Variants in ZFP36L2 observed in about 807,000 individuals in gnomAD.
ZFP36L2 encodes the protein ZFP36 like 2 zinc finger CCCH-type, also known as mRNA decay activator protein ZFP36L2.
In ZFP36L2, 16 loss-of-function variants were observed where a neutral mutation model predicts 27.9. The observed-to-expected ratio is 0.57, with a 90% CI of 0.39 to 0.87. The LOEUF (loss-of-function observed/expected upper bound fraction) is 0.87, where lower values mean the gene tolerates loss of function less well. Ranked by LOEUF, ZFP36L2 falls within the 40% of genes least tolerant of loss-of-function variation. ZFP36L2 has a pLI of 0.00. For missense variants in ZFP36L2, 989 were observed against 726.9 expected (o/e 1.36, Z -4.15); for synonymous variants, 600 against 363.8 (o/e 1.65, Z -7.39).
rs375300691 is a variant in ZFP36L2, at chr2:43,224,973, C to T, written c.831G>A (p.Pro277=). Residue 277 remains proline, a synonymous_variant, in exon 2 of 2, where the codon CCG becomes CCA. Transcript: ENST00000282388. ...HHQPPGGLES[P]LLLDSPTSRT... ...GCGACGTGGGGCTGTCGAGCAGCAG[C>T]GGCGACTCGAGGCCGCCCGGGGGCT... 1.0e-5 allele frequency: 16 copies of T among 1,579,334 alleles called. No homozygotes were observed. The African/African-American group carries it at 1.8e-4, about 18-fold the overall frequency.
rs1199020378 is a variant in ZFP36L2, at chr2:43,224,473, T to C, written c.1331A>G (p.Asp444Gly). Reference sequence around the variant, plus strand: ...CGAGTCCGGGGGGCTGGGGGGCGCGTCGAACACGGGCGAGTCGGACAGGCG... The same window carrying C: ...CGAGTCCGGGGGGCTGGGGGGCGCGCCGAACACGGGCGAGTCGGACAGGCG... ...PRRLSDSPVFDAPPSPPDSLS... is the reference protein window; with the variant it reads ...PRRLSDSPVFGAPPSPPDSLS... Residue 444 changes from aspartate to glycine, a missense_variant, in exon 2 of 2, where the codon GAC becomes GGC. Transcript: ENST00000282388. 2.7e-6 allele frequency: 4 copies of C among 1,506,966 alleles called. No homozygotes were observed. The highest frequency in any genetic ancestry group is 4.2e-5 in the Admixed American group (2 of 47,638). The allele number at this position is 1,506,966 out of a possible 1,614,324, so 93.3% of individuals were successfully genotyped here. A position where few individuals can be genotyped will look rare whatever the true frequency, so the allele number is the denominator to read the frequency against.
In ZFP36L2 at chr2:43,225,384, C is replaced by G; in HGVS notation, c.420G>C (p.Gln140His). Residue 140 changes from glutamine (Q) to histidine (H), a missense_variant, in exon 2 of 2, where the codon CAG becomes CAC. Transcript: ENST00000282388. Reference sequence around the variant, plus strand: ...TCTGGGAGCCGCCGCCCCCCTTCTGCTGCTGCTGCAGGTGCAGGAGGTGCT... The same window carrying G: ...TCTGGGAGCCGCCGCCCCCCTTCTGGTGCTGCTGCAGGTGCAGGAGGTGCT... ...RSQHLLHLQQ[Q>H]QKGGGGSQIN... is the part of the protein sequence containing the mutation. 2 of 1,613,708 alleles carry G rather than the reference C, an allele frequency of 1.2e-6. No homozygotes were observed. Among genetic ancestry groups the G allele is most frequent in the Non-Finnish European group, 1.7e-6 (2 of 1,179,962 alleles).
rs750544151 is a variant in ZFP36L2 at position 43,225,095 on chromosome 2, C to T, written c.709G>A (p.Gly237Ser). 1 of 1,593,272 alleles carries T rather than the reference C, an allele frequency of 6.3e-7. No homozygotes were observed. The highest frequency in any genetic ancestry group is 8.5e-7 in the Non-Finnish European group (1 of 1,177,160). ...CCCAGGTGCAACGCATCGCGCGTGCCAAAGGCACGCAGGTCCCCGGAGGCG... is the reference window on the plus strand; with the variant it reads ...CCCAGGTGCAACGCATCGCGCGTGCTAAAGGCACGCAGGTCCCCGGAGGCG... ...GGASGDLRAF[G>S]TRDALHLGFP... is the part of the protein sequence containing the mutation. The change falls in exon 2 of 2, where the codon GGC becomes AGC. Residue 237 changes from glycine to serine, a missense_variant. Coordinates refer to ENST00000282388, the MANE Select transcript of ZFP36L2 (RefSeq NM_006887.5).
Position 43,222,554 on chromosome 2 carries a change from A to G in ZFP36L2, c.*1765T>C, listed in dbSNP as rs888251020. 6.6e-6 allele frequency: 1 copy of G among 152,376 alleles called. No homozygotes were observed. The highest frequency in any genetic ancestry group is 6.5e-5 in the Admixed American group (1 of 15,290). The allele number at this position is 152,376 out of a possible 1,614,324, so 9.4% of individuals were successfully genotyped here. A position where few individuals can be genotyped will look rare whatever the true frequency, so the allele number is the denominator to read the frequency against. On this transcript the variant is annotated 3_prime_UTR_variant, in exon 2 of 2. Coordinates refer to ENST00000282388, the MANE Select transcript of ZFP36L2 (RefSeq NM_006887.5). ...TACATTCAAAAACCTACTTCTGTCC[A>G]AAGTAGTCCAGAGAGTACATATAGT...
rs1295854042 is a variant in ZFP36L2 at position 43,224,687 on chromosome 2, T to G, written c.1117A>C (p.Ile373Leu). 2 of 1,539,088 alleles carry G rather than the reference T, an allele frequency of 1.3e-6. No individual in the cohort carries two copies. Among genetic ancestry groups the G allele is most frequent in the Admixed American group, 3.8e-5 (2 of 53,154 alleles). The change falls in exon 2 of 2, where the codon ATC becomes CTC. Residue 373 changes from isoleucine (I) to leucine (L), a missense_variant. By Grantham distance (5) the Ile-to-Leu change is conservative. Coordinates refer to ENST00000282388, the MANE Select transcript of ZFP36L2 (RefSeq NM_006887.5). ...TGGGTCTGGATGGCGAGCGGCGTGATGAGGCTGCTGAGCTCCGGACCGAAG... is the reference window on the plus strand; with the variant it reads ...TGGGTCTGGATGGCGAGCGGCGTGAGGAGGCTGCTGAGCTCCGGACCGAAG... ...FAFGPELSSLITPLAIQTHNF... is the reference protein window; with the variant it reads ...FAFGPELSSLLTPLAIQTHNF...
Position 43,224,534 on chromosome 2 carries a change from G to A in ZFP36L2, c.1270C>T (p.Pro424Ser), listed in dbSNP as rs1249302931. 6.2e-6 allele frequency: 9 copies of A among 1,456,340 alleles called. No homozygotes were observed. In the East Asian group the frequency reaches 1.2e-4, roughly 20 times the overall value. The allele number at this position is 1,456,340 out of a possible 1,614,324, so 90.2% of individuals were successfully genotyped here. A position where few individuals can be genotyped will look rare whatever the true frequency, so the allele number is the denominator to read the frequency against. ...TGGAAGCTGAAGGGCGGCGAGGGAG[G>A]TGCGGCGGCCCCGGCGGGGAGGGTC... The part of the protein sequence containing the change: ...SATLPAGAAA[P>S]PSPPFSFQLP... Residue 424 changes from proline (P) to serine (S), a missense_variant, in exon 2 of 2, where the codon CCT becomes TCT. By Grantham distance (74) the Pro-to-Ser change is moderately conservative. Transcript: ENST00000282388.
At position 43,225,092 on chromosome 2, in the gene ZFP36L2, T is replaced by A. The variant is rs1196933779; in HGVS notation, c.712A>T (p.Thr238Ser). The change falls in exon 2 of 2, where the codon ACG (threonine) becomes TCG (serine). Residue 238 changes from threonine to serine, a missense_variant. Transcript: ENST00000282388. ...AAGCCCAGGTGCAACGCATCGCGCG[T>A]GCCAAAGGCACGCAGGTCCCCGGAG... is the stretch of plus-strand genomic sequence containing the variant. Reference protein sequence around the residue: ...GASGDLRAFGTRDALHLGFPR... With the variant: ...GASGDLRAFGSRDALHLGFPR... 6 of 1,593,322 alleles carry A rather than the reference T, an allele frequency of 3.8e-6. No individual in the cohort carries two copies. Among genetic ancestry groups the A allele is most frequent in the Non-Finnish European group, 5.1e-6 (6 of 1,177,300 alleles).
chr2:43,226,174 G>A (rs1667098906), intron 1 of ZFP36L2, 91 bp downstream of exon 1: 1 of 1,508,248 alleles, frequency 6.6e-7, no homozygotes, highest in African/African-American at 1.4e-5. Flanking sequence ...TGAAAGGCAG[G>A]GCGGGAGGGG....
At position 43,223,550 on chromosome 2, in the gene ZFP36L2, A is replaced by T. The variant is rs1667012619; in HGVS notation, c.*769T>A. Reference sequence around the variant, plus strand: ...AAAAATTCAGCAGTTATTCTCCAACAATTACAAAGTAAGCTCTGCGCAAGG... The same window carrying T: ...AAAAATTCAGCAGTTATTCTCCAACTATTACAAAGTAAGCTCTGCGCAAGG... On this transcript the variant is annotated 3_prime_UTR_variant, in exon 2 of 2. Transcript: ENST00000282388. 6.6e-6 allele frequency: 1 copy of T among 152,648 alleles called. No individual in the cohort carries two copies. Among genetic ancestry groups the T allele is most frequent in the Non-Finnish European group, 1.5e-5 (1 of 68,050 alleles). 9.5% of individuals were successfully genotyped at this position (152,648 alleles called of 1,614,324 possible). A position where few individuals can be genotyped will look rare whatever the true frequency, so the allele number is the denominator to read the frequency against.
chr2:43,225,456 C>A lies in ZFP36L2; in HGVS notation c.348G>T (p.Glu116Asp), dbSNP rs771563054. ...TAAACGAGCGGTCCCGGAATTTGTT[C>A]TCCTTGTTGAGCAGGGCTGTGCCGC... is the stretch of plus-strand genomic sequence containing the variant. ...GGGGTALLNK[E>D]NKFRDRSFSE... Residue 116 changes from glutamate to aspartate, a missense_variant, in exon 2 of 2, where the codon GAG (glutamate) becomes GAT (aspartate). By Grantham distance (45) the Glu-to-Asp change is conservative. Coordinates refer to ENST00000282388, the MANE Select transcript of ZFP36L2 (RefSeq NM_006887.5). 6.2e-6 allele frequency: 10 copies of A among 1,611,194 alleles called. No individual in the cohort carries two copies. The highest frequency in any genetic ancestry group is 1.7e-5 in the Admixed American group (1 of 59,856).
At position 43,226,374 on chromosome 2, in the gene ZFP36L2, G is replaced by C; in HGVS notation, c.-59C>G. On this transcript the variant is annotated 5_prime_UTR_variant, in exon 1 of 2. Transcript: ENST00000282388. ...CCGGGAGGTCGGGAGGAGCCCTTGG[G>C]GCGGCGTGGCCGGGCTTGAGCCACG... 6.4e-7 allele frequency: 1 copy of C among 1,551,166 alleles called. No homozygotes were observed. The highest frequency in any genetic ancestry group is 1.4e-5 in the African/African-American group (1 of 73,100).
chr2:43,224,155 C>T lies in ZFP36L2; in HGVS notation c.*164G>A, dbSNP rs2103973965. On this transcript the variant is annotated 3_prime_UTR_variant, in exon 2 of 2. Coordinates refer to ENST00000282388, the MANE Select transcript of ZFP36L2 (RefSeq NM_006887.5). ...CGAAAAAGGAGGGGTGGGGGCCCCT[C>T]CCGGCACAGAGTTCGAGTCCAAGTG... is the stretch of plus-strand genomic sequence containing the variant. 3.3e-6 allele frequency: 2 copies of T among 597,236 alleles called. No individual in the cohort carries two copies. Among genetic ancestry groups the T allele is most frequent in the Non-Finnish European group, 4.9e-6 (2 of 404,064 alleles). The allele number at this position is 597,236 out of a possible 1,614,324, so 37.0% of individuals were successfully genotyped here. A position where few individuals can be genotyped will look rare whatever the true frequency, so the allele number is the denominator to read the frequency against.
In ZFP36L2 at chr2:43,225,292, C is replaced by G. The variant is rs1387415553; in HGVS notation, c.512G>C (p.Gly171Ala). ...PFEESGTCKY[G>A]EKCQFAHGFH... ...GCCATGCGCGAACTGGCACTTTTCG[C>G]CGTACTTGCACGTGCCGCTCTCCTC... Residue 171 changes from glycine to alanine, a missense_variant, in exon 2 of 2, where the codon GGC (glycine) becomes GCC (alanine). Coordinates refer to ENST00000282388, the MANE Select transcript of ZFP36L2 (RefSeq NM_006887.5). 1 of 1,612,426 alleles carries G rather than the reference C, an allele frequency of 6.2e-7. No individual in the cohort carries two copies. The highest frequency in any genetic ancestry group is 8.5e-7 in the Non-Finnish European group (1 of 1,179,976).
At position 43,224,919 on chromosome 2, in the gene ZFP36L2, C is replaced by G; in HGVS notation, c.885G>C (p.Ser295=). 6 of 1,548,914 alleles carry G rather than the reference C, an allele frequency of 3.9e-6. No homozygotes were observed. Among genetic ancestry groups the G allele is most frequent in the Non-Finnish European group, 4.3e-6 (5 of 1,163,592 alleles). Residue 295 remains serine, a synonymous_variant, in exon 2 of 2, where the codon TCG becomes TCC. Transcript: ENST00000282388. ...AGGCGGAGGAGGAGCAGGACGAGGC[C>G]GAAGAGCAGGAGGGCGGCGGCGGCG... is the stretch of plus-strand genomic sequence containing the variant. ...SRTPPPPSCS[S]ASSCSSSASS... is the part of the protein sequence containing the mutation.
At chr2:43,225,832 C>G in intron 1 of ZFP36L2, 80 bp from the exon 2 acceptor site, 1 of 1,401,188 alleles carries the variant, frequency 7.1e-7, no homozygotes, top group Non-Finnish European at 9.6e-7. Context: ...GAGGAACTCC[C>G]AGCCTGATTC....
chr2:43,224,388 A>C lies in ZFP36L2; in HGVS notation c.1416T>G (p.Ser472=). The change falls in exon 2 of 2, where the codon TCT becomes TCG. Residue 472 remains serine (S), a synonymous_variant. Transcript: ENST00000282388. ...GGCCAGGGTCGAGGCTGGGAGACTC[A>C]GAGCCGCTGAGGCTGCCGGAGCTCA... The part of the protein sequence containing the change: ...GSLSSGSLSG[S]ESPSLDPGRR... 1 of 1,562,248 alleles carries C rather than the reference A, an allele frequency of 6.4e-7. No individual in the cohort carries two copies. Among genetic ancestry groups the C allele is most frequent in the South Asian group, 1.2e-5 (1 of 86,916 alleles).
Position 43,224,765 on chromosome 2 carries a change from C to T in ZFP36L2, c.1039G>A (p.Gly347Arg), listed in dbSNP as rs1553341859. The T allele has an allele frequency of 4.7e-6, 7 of 1,487,058 alleles. No individual in the cohort carries two copies. The highest frequency in any genetic ancestry group is 2.0e-4 in the Middle Eastern group (1 of 4,908). The allele number at this position is 1,487,058 out of a possible 1,614,324, so 92.1% of individuals were successfully genotyped here. The change falls in exon 2 of 2, where the codon GGG (glycine) becomes AGG (arginine). Residue 347 changes from glycine to arginine, a missense_variant. Physicochemically the swap from Gly to Arg is moderately radical, Grantham distance 125 (BLOSUM62 -2). Transcript: ENST00000282388. Reference sequence around the variant, plus strand: ...GACGAGCAGGCCGCGCACGGGGCCCCCGGCGCCAGCAGGTCCTCGGCGCCC... The same window carrying T: ...GACGAGCAGGCCGCGCACGGGGCCCTCGGCGCCAGCAGGTCCTCGGCGCCC... ...TGGAEDLLAP[G>R]APCAACSSAS...
rs1461072604 is a variant in ZFP36L2 at position 43,223,208 on chromosome 2, A to G, written c.*1111T>C. The G allele has an allele frequency of 6.6e-6, 1 of 152,238 alleles. No individual in the cohort carries two copies. The highest frequency in any genetic ancestry group is 1.5e-5 in the Non-Finnish European group (1 of 68,012). 9.4% of individuals were successfully genotyped at this position (152,238 alleles called of 1,614,324 possible). A position where few individuals can be genotyped will look rare whatever the true frequency, so the allele number is the denominator to read the frequency against. On this transcript the variant is annotated 3_prime_UTR_variant, in exon 2 of 2. Transcript: ENST00000282388. The stretch of plus-strand genomic sequence containing the variant: ...TCTTTCAAAATTTACGTAAACAAGG[A>G]AAGAAATTAATGAAATAAATATTAC...
Position 43,224,607 on chromosome 2 carries a change from C to T in ZFP36L2, c.1197G>A (p.Gln399=). Residue 399 remains glutamine (Q), a synonymous_variant, in exon 2 of 2, where the codon CAG becomes CAA. Transcript: ENST00000282388. The stretch of plus-strand genomic sequence containing the variant: ...GCGCGGGGGGCGCCAGGCCCTGCTG[C>T]TGCTGCTGCTGCTGACTGCGGTAGT... ...AAYYRSQQQQ[Q]QQGLAPPAQP... is the part of the protein sequence containing the mutation. 2 of 1,441,218 alleles carry T rather than the reference C, an allele frequency of 1.4e-6. No homozygotes were observed. Among genetic ancestry groups the T allele is most frequent in the Admixed American group, 5.1e-5 (2 of 39,340 alleles). 89.3% of individuals were successfully genotyped at this position (1,441,218 alleles called of 1,614,324 possible). A position where few individuals can be genotyped will look rare whatever the true frequency, so the allele number is the denominator to read the frequency against.
Sources: allele counts gnomAD v4.1 joint callset, GRCh38; gene constraint gnomAD v4.1.1; transcripts MANE v1.5; gene names NCBI Gene and HGNC (gene_info 2026-07-23, HGNC 2026-07-21).